The following KLHL22 variants were observed in gnomAD, a reference collection of about 807,000 sequenced individuals.
KLHL22 encodes kelch like family member 22.
In KLHL22, 18 loss-of-function variants were observed where a neutral mutation model predicts 60.7. That is an observed-to-expected ratio of 0.30 (90% CI 0.20 to 0.44). The LOEUF (loss-of-function observed/expected upper bound fraction) is 0.44. Ranked by LOEUF, KLHL22 falls within the 20% of genes least tolerant of loss-of-function variation. The pLI is 1.00. For missense variants in KLHL22, 596 were observed against 852.3 expected, an observed-to-expected ratio of 0.70 and a Z score of 3.74; for synonymous variants, 355 against 354.5, an observed-to-expected ratio of 1.00 and a Z score of -0.01.
intron 2 of KLHL22, among the ~76,000 whole-genome samples, chr22:20,476,475 C>T (rs1005535341): frequency 7.1e-5 from 10 of 140,172 alleles, no homozygotes; most frequent in Admixed American, 2.3e-4. Context: ...TGCAGTGGCG[C>T]GATCTCGGCT....
At chr22:20,464,561 C>T (rs1294441685) in intron 4 of KLHL22, among the ~76,000 whole-genome samples, 1 of 152,164 alleles carries the variant, frequency 6.6e-6, no homozygotes, top group African/African-American at 2.4e-5. Context: ...TCTCCCCTCC[C>T]GTCTCCTCCT....
intron 5 of KLHL22, among the ~76,000 whole-genome samples, chr22:20,448,412 T>G (rs62219035): frequency 0.16 from 24,458 of 152,250 alleles, 2,657 homozygotes; most frequent in Non-Finnish European, 0.24. Context: ...GTACTCAACA[T>G]GTACCAATAG....
At chr22:20,488,931 C>T in intron 2 of KLHL22, 54 bp downstream of exon 2, 3 of 1,548,450 alleles carry the variant, frequency 1.9e-6, no homozygotes, top group Non-Finnish European at 1.8e-6. Context: ...CCTTTACTAG[C>T]AGAGCCAGGA....
intron 5 of KLHL22, chr22:20,450,301 T>A: frequency 1.9e-6 from 2 of 1,074,192 alleles, no homozygotes; most frequent in Non-Finnish European, 2.9e-6. Flanking sequence ...TTCTGTGCCA[T>A]GTTCACTAGT....
At chr22:20,482,732 C>A (rs2053524144) in intron 2 of KLHL22, 1 of 602,132 alleles carries the variant, frequency 1.7e-6, no homozygotes, top group Non-Finnish European at 2.8e-6. Context: ...ACCACAACAC[C>A]TGGCTAATTT....
chr22:20,445,516 A>C (rs547262063), intron 6 of KLHL22, among the ~76,000 whole-genome samples: 5 of 152,094 alleles, frequency 3.3e-5, no homozygotes, highest in Non-Finnish European at 2.9e-5. Context: ...ACCCATCTCT[A>C]TTTTTTAAAG....
At chr22:20,472,128 T>A (rs2053336367) in intron 2 of KLHL22, among the ~76,000 whole-genome samples, 1 of 151,948 alleles carries the variant, frequency 6.6e-6, no homozygotes, top group Admixed American at 6.6e-5. Context: ...GCATCTGTAG[T>A]CCCAGCTACT....
In KLHL22 at chr22:20,471,332, A is replaced by G; in HGVS notation, c.393+18T>C. ...CACCTGGGTGTGGGTCTGCCTTGCTAGATGAGACATGCCTCACCTGAAGCT... is the reference window on the plus strand; with the variant it reads ...CACCTGGGTGTGGGTCTGCCTTGCTGGATGAGACATGCCTCACCTGAAGCT... On this transcript the variant is annotated intron_variant, in intron 3 of 6. Transcript: ENST00000328879. The G allele has an allele frequency of 6.2e-7, 1 of 1,611,008 alleles. No homozygotes were observed. Among genetic ancestry groups the G allele is most frequent in the Non-Finnish European group, 8.5e-7 (1 of 1,178,126 alleles).
intron 4 of KLHL22, among the ~76,000 whole-genome samples, chr22:20,462,276 C>CAAAAAA (rs361908): frequency 8.7e-6 from 1 of 114,568 alleles, no homozygotes. Context: ...GACTCTGTCT[C>CAAAAAA]AAAAAAAAAA....
intron 1 of KLHL22, chr22:20,489,849 T>C (rs950361812): frequency 2.1e-6 from 1 of 468,462 alleles, no homozygotes; most frequent in African/African-American, 2.0e-5. Context: ...CCTACTTTCC[T>C]TTACTGAAAT....
intron 3 of KLHL22, among the ~76,000 whole-genome samples, chr22:20,470,881 T>C (rs1329757647): frequency 2.6e-5 from 4 of 151,350 alleles, no homozygotes; most frequent in South Asian, 4.1e-4. Flanking sequence ...GATGGATGGA[T>C]GGATGGACAG....
At chr22:20,449,171 C>T (rs909538364) in intron 5 of KLHL22, among the ~76,000 whole-genome samples, 2 of 151,768 alleles carry the variant, frequency 1.3e-5, no homozygotes, top group Non-Finnish European at 2.9e-5. Flanking sequence ...CACCATTCTC[C>T]TGCCTCAGCC....
At chr22:20,462,319 C>T (rs1258008315) in intron 4 of KLHL22, among the ~76,000 whole-genome samples, 2 of 150,518 alleles carry the variant, frequency 1.3e-5, no homozygotes, top group African/African-American at 2.4e-5. Flanking sequence ...AAAATATTAG[C>T]AGCCATGAAA....
intron 3 of KLHL22, among the ~76,000 whole-genome samples, chr22:20,470,219 C>T (rs567012539): frequency 6.6e-6 from 1 of 151,648 alleles, no homozygotes; most frequent in Admixed American, 6.6e-5. Flanking sequence ...CACAATGGCA[C>T]GCATCTTTAG....
chr22:20,462,780 G>A (rs1276448846), intron 4 of KLHL22, among the ~76,000 whole-genome samples: 5 of 152,154 alleles, frequency 3.3e-5, no homozygotes, highest in Admixed American at 3.3e-4. Context: ...TACAAGGAAT[G>A]ATGCAGATAA....
intron 6 of KLHL22, among the ~76,000 whole-genome samples, chr22:20,445,540 G>T (rs62219033): frequency 2.0e-5 from 3 of 152,038 alleles, no homozygotes; most frequent in African/African-American, 4.8e-5. Context: ...CGGCAATGTG[G>T]TTATATTAAC....
At chr22:20,468,665 G>GT (rs796493334) in intron 3 of KLHL22, among the ~76,000 whole-genome samples, 175 of 151,394 alleles carry the variant, frequency 1.2e-3, no homozygotes, top group African/African-American at 3.8e-3. Context: ...GAAGAAGCCT[G>GT]TTTTTTTTTG....
chr22:20,495,729 C>A lies in KLHL22; in HGVS notation c.-34+31G>T. 6.6e-6 allele frequency: 1 copy of A among 151,634 alleles called. No individual in the cohort carries two copies. The highest frequency in any genetic ancestry group is 1.9e-4 in the South Asian group (1 of 5,326). The allele number at this position is 151,634 out of a possible 1,614,324, so 9.4% of individuals were successfully genotyped here. A position where few individuals can be genotyped will look rare whatever the true frequency, so the allele number is the denominator to read the frequency against. On this transcript the variant is annotated intron_variant, in intron 1 of 6. Transcript: ENST00000328879. The surrounding 1 kb of genome is among the most constrained non-coding windows in gnomAD (Gnocchi z 4.6). ...CCCGACCCCCGCGTTCGCTGCCGCC[C>A]GGCCCGTTCGGCTCACGCCTCGCAG...
intron 3 of KLHL22, 32 bp downstream of exon 3, chr22:20,471,318 G>C: frequency 6.2e-7 from 1 of 1,602,284 alleles, no homozygotes; most frequent in Non-Finnish European, 8.5e-7. Context: ...ACCTGGGTGT[G>C]GGTCTGCCTT....
Sources: gnomAD v4.1 joint callset for allele counts (sites outside exome capture counted in the v4.1 genomes callset) on GRCh38, gnomAD v4.1.1 for gene constraint, Gnocchi (gnomAD v3.1) non-coding constraint, MANE v1.5 for transcripts, NCBI Gene and HGNC (gene_info 2026-07-23, HGNC 2026-07-21) for gene names.